MMP14: variants seen among roughly 807,000 people sequenced by gnomAD.
The protein encoded by MMP14 is matrix metalloproteinase-14.
In MMP14, 13 loss-of-function variants were observed where a neutral mutation model predicts 64.8. The ratio of observed to expected loss-of-function variants is 0.20; its 90% CI spans 0.13 to 0.32. The LOEUF (loss-of-function observed/expected upper bound fraction) is 0.32, where lower values mean the gene tolerates loss of function less well. MMP14 is among the 10% of genes least tolerant of loss of function. MMP14 has a pLI of 1.00. For missense variants in MMP14, 594 were observed against 783.8 expected (o/e 0.76, Z 2.89); for synonymous variants, 322 against 315.9 (o/e 1.02, Z -0.20).
At position 22,845,998 on chromosome 14, in the gene MMP14, C is replaced by T. The variant is rs1487836053; in HGVS notation, c.1708C>T (p.Arg570Ter). The T allele has an allele frequency of 2.0e-6, 3 of 1,535,050 alleles. No individual in the cohort carries two copies. The highest frequency in any genetic ancestry group is 1.2e-5 in the South Asian group (1 of 81,138). ...FFFRRHGTPR[R>*]LLYCQRSLLD... is the part of the protein sequence containing the mutation. ...CTTCAGACGCCATGGGACCCCCAGG[C>T]GACTGCTCTACTGCCAGCGTTCCCT... is the stretch of plus-strand genomic sequence containing the variant. Residue 570 changes from arginine (R) to a stop codon, truncating the protein, a stop_gained, in exon 10 of 10, where the codon CGA (arginine) becomes TGA (stop). Coordinates refer to ENST00000311852, the MANE Select transcript of MMP14 (RefSeq NM_004995.4). LOFTEE classifies it high-confidence loss of function.
intron 8 of MMP14, 129 bp from the exon 9 acceptor site, chr14:22,845,122 A>C: frequency 1.5e-6 from 1 of 689,422 alleles, no homozygotes; most frequent in Non-Finnish European, 2.5e-6. Context: ...GCAGGTCCTC[A>C]TTACTCAAAA....
At chr14:22,840,924 C>CA (rs2039768618) in intron 1 of MMP14, among the ~76,000 whole-genome samples, 1 of 152,194 alleles carries the variant, frequency 6.6e-6, no homozygotes. Flanking sequence ...TACCACATTC[C>CA]AAGTTCCTAG....
intron 6 of MMP14, among the ~76,000 whole-genome samples, 175 bp from the exon 7 acceptor site, chr14:22,844,196 C>CA (rs33967775): frequency 9.0e-4 from 126 of 139,374 alleles, no homozygotes; most frequent in African/African-American, 2.7e-3. Flanking sequence ...GACTCCATCT[C>CA]AAAAAAAAAA....
chr14:22,844,655 G>A lies in MMP14; in HGVS notation c.1176G>A (p.Glu392=). 1 of 1,614,124 alleles carries A rather than the reference G, an allele frequency of 6.2e-7. No homozygotes were observed. Among genetic ancestry groups the A allele is most frequent in the Non-Finnish European group, 8.5e-7 (1 of 1,180,030 alleles). Residue 392 remains glutamate, a synonymous_variant, in exon 8 of 10, where the codon GAG becomes GAA. Coordinates refer to ENST00000311852, the MANE Select transcript of MMP14 (RefSeq NM_004995.4). ...GAGACAAGCATTGGGTGTTTGATGA[G>A]GCGTCCCTGGAACCTGGCTACCCCA... is the stretch of plus-strand genomic sequence containing the variant. ...FKGDKHWVFD[E]ASLEPGYPKH...
Position 22,845,901 on chromosome 14 carries a change from G to A in MMP14, c.1611G>A (p.Val537=), listed in dbSNP as rs760876083. 13 of 1,611,482 alleles carry A rather than the reference G, an allele frequency of 8.1e-6. No individual in the cohort carries two copies. Among genetic ancestry groups the A allele is most frequent in the Non-Finnish European group, 8.5e-7 (1 of 1,178,902 alleles). Residue 537 remains valine (V), a synonymous_variant, in exon 10 of 10, where the codon GTG becomes GTA. Transcript: ENST00000311852. ...IEVDEEGGGA[V]SAAAVVLPVL... is the part of the protein sequence containing the mutation. ...TGGACGAGGAGGGCGGCGGGGCGGT[G>A]AGCGCGGCTGCCGTGGTGCTGCCCG...
Position 22,846,012 on chromosome 14 carries a change from C to T in MMP14, c.1722C>T (p.Cys574=). Residue 574 remains cysteine (C), a synonymous_variant, in exon 10 of 10, where the codon TGC becomes TGT. Coordinates refer to ENST00000311852, the MANE Select transcript of MMP14 (RefSeq NM_004995.4). ...RHGTPRRLLY[C]QRSLLDKV is the part of the protein sequence containing the mutation. Reference sequence around the variant, plus strand: ...GGACCCCCAGGCGACTGCTCTACTGCCAGCGTTCCCTGCTGGACAAGGTCT... The same window carrying T: ...GGACCCCCAGGCGACTGCTCTACTGTCAGCGTTCCCTGCTGGACAAGGTCT... 6.6e-7 allele frequency: 1 copy of T among 1,511,858 alleles called. No individual in the cohort carries two copies. The highest frequency in any genetic ancestry group is 8.9e-7 in the Non-Finnish European group (1 of 1,126,596). The allele number at this position is 1,511,858 out of a possible 1,614,324, so 93.7% of individuals were successfully genotyped here.
rs1782045512 is a variant in MMP14, at chr14:22,845,277, G to A, written c.1328G>A (p.Arg443Lys). 2 of 1,613,840 alleles carry A rather than the reference G, an allele frequency of 1.2e-6. No individual in the cohort carries two copies. Among genetic ancestry groups the A allele is most frequent in the Non-Finnish European group, 1.7e-6 (2 of 1,179,930 alleles). Reference sequence around the variant, plus strand: ...TACTACCGTTTCAACGAAGAGCTCAGGGCAGTGGATAGCGAGTACCCCAAG... The same window carrying A: ...TACTACCGTTTCAACGAAGAGCTCAAGGCAGTGGATAGCGAGTACCCCAAG... ...NKYYRFNEELRAVDSEYPKNI... is the reference protein window; with the variant it reads ...NKYYRFNEELKAVDSEYPKNI... Residue 443 changes from arginine to lysine, a missense_variant, in exon 9 of 10, where the codon AGG (arginine) becomes AAG (lysine). By Grantham distance (26) the Arg-to-Lys change is conservative. This residue lies in a region of MMP14 where 364 missense variants were observed against 425.2 expected (regional missense o/e 0.86). Coordinates refer to ENST00000311852, the MANE Select transcript of MMP14 (RefSeq NM_004995.4).
chr14:22,839,963 T>A (rs1053804583), intron 1 of MMP14, among the ~76,000 whole-genome samples: 2 of 32,550 alleles, frequency 6.1e-5, no homozygotes, highest in Non-Finnish European at 1.2e-4. Flanking sequence ...CTTGTTTTAC[T>A]TTTTTTTTTT....
At chr14:22,839,904 T>C (rs1472211734) in intron 1 of MMP14, among the ~76,000 whole-genome samples, 1 of 151,386 alleles carries the variant, frequency 6.6e-6, no homozygotes, top group Non-Finnish European at 1.5e-5. Context: ...GGTGGTGTCT[T>C]CTCCCCATAA....
rs17886930 is a variant in MMP14, at chr14:22,836,593, G to T, written c.-225G>T. On this transcript the variant is annotated 5_prime_UTR_variant, in exon 1 of 10. Coordinates refer to ENST00000311852, the MANE Select transcript of MMP14 (RefSeq NM_004995.4). ...GAGCGAGAGAGGGAACCAGACCCCA[G>T]TTCGCCGACTAAGCAGAAGAAAGAT... 1.7e-3 allele frequency: 766 copies of T among 463,378 alleles called. 2 individuals carry two copies. Among genetic ancestry groups the T allele is most frequent in the Admixed American group, 3.5e-3 (91 of 25,668 alleles). The allele number at this position is 463,378 out of a possible 1,614,324, so 28.7% of individuals were successfully genotyped here.
At chr14:22,844,303 T>A in intron 6 of MMP14, 68 bp from the exon 7 acceptor site, 1 of 1,593,278 alleles carries the variant, frequency 6.3e-7, no homozygotes, top group South Asian at 1.1e-5. Flanking sequence ...TGCGGGAGCT[T>A]TGGGGACTGA....
chr14:22,845,181 C>A, intron 8 of MMP14, 70 bp from the exon 9 acceptor site: 1 of 1,143,866 alleles, frequency 8.7e-7, no homozygotes, highest in South Asian at 1.3e-5. Context: ...CTGGTGGATT[C>A]GGTCCGGGTC....
chr14:22,840,725 T>C (rs891817001), intron 1 of MMP14, among the ~76,000 whole-genome samples: 9 of 152,228 alleles, frequency 5.9e-5, no homozygotes, highest in Admixed American at 5.2e-4. Context: ...TTAGCCAGGA[T>C]GGTCTCGATC....
rs1273997414 is a variant in MMP14, at chr14:22,836,919, C to T, written c.102C>T (p.Ser34=). 2.5e-6 allele frequency: 4 copies of T among 1,613,054 alleles called. No individual in the cohort carries two copies. The highest frequency in any genetic ancestry group is 3.3e-4 in the Middle Eastern group (2 of 6,052). ...SLGSAQSSSF[S]PEAWLQQYGY... ...GCTCGGCCCAAAGCAGCAGCTTCAG[C>T]CCCGAAGTAAGTGAGCTTCCCGGCC... Residue 34 remains serine (S), a synonymous_variant, in exon 1 of 10, where the codon AGC becomes AGT. Transcript: ENST00000311852.
At chr14:22,837,009 G>A in intron 1 of MMP14, 84 bp downstream of exon 1, 1 of 1,051,778 alleles carries the variant, frequency 9.5e-7, no homozygotes, top group Non-Finnish European at 1.4e-6. Flanking sequence ...CCTCTATTCG[G>A]AGAGGAGGGC....
At chr14:22,838,303 C>T (rs2039749547) in intron 1 of MMP14, among the ~76,000 whole-genome samples, 1 of 152,198 alleles carries the variant, frequency 6.6e-6, no homozygotes, top group Non-Finnish European at 1.5e-5. Context: ...GCCAACTTCA[C>T]TGCCTTACCT....
intron 2 of MMP14, 96 bp from the exon 3 acceptor site, chr14:22,841,817 T>G: frequency 6.5e-7 from 1 of 1,529,978 alleles, no homozygotes; most frequent in Non-Finnish European, 8.8e-7. Context: ...TTTCCCCACA[T>G]TGACACACAG....
intron 6 of MMP14, among the ~76,000 whole-genome samples, chr14:22,844,096 C>T (rs887514474): frequency 6.6e-6 from 1 of 151,740 alleles, no homozygotes; most frequent in African/African-American, 2.4e-5. Flanking sequence ...ACCTGGGAGG[C>T]TGAGGCAGGA....
At chr14:22,845,458 G>A in intron 9 of MMP14, 92 bp downstream of exon 9, 1 of 1,025,112 alleles carries the variant, frequency 9.8e-7, no homozygotes, top group Non-Finnish European at 1.4e-6. Flanking sequence ...GTGCTGTGTG[G>A]AAAACAACGG....
Sources: allele counts gnomAD v4.1 joint callset (sites outside exome capture counted in the v4.1 genomes callset), GRCh38; gene constraint gnomAD v4.1.1; regional missense constraint gnomAD v4.1.1; transcripts MANE v1.5; gene names NCBI Gene and HGNC (gene_info 2026-07-23, HGNC 2026-07-21).